The following RSF1 variants were observed in gnomAD, a reference collection of about 807,000 sequenced individuals.
RSF1 encodes the protein HBV pX-associated protein 8.
A neutral mutation model predicts 145.2 loss-of-function variants in RSF1; 13 were observed. That is an observed-to-expected ratio of 0.09 (90% confidence interval 0.06 to 0.14). The LOEUF (loss-of-function observed/expected upper bound fraction) is 0.14. RSF1 is among the 10% of genes least tolerant of loss of function. The pLI, the probability that RSF1 is intolerant of heterozygous loss-of-function variation, is 1.00. For synonymous variants in RSF1, 577 were observed against 592.6 expected (o/e 0.97, Z 0.38); for missense variants, 1,517 against 1,718.2 (o/e 0.88, Z 2.07).
At position 77,663,094 on chromosome 11, in the gene RSF1, A is replaced by C. The variant is rs1446864570; in HGVS notation, c.*3823T>G. 2 of 152,200 alleles carry C rather than the reference A, an allele frequency of 1.3e-5. No homozygotes were observed. Among genetic ancestry groups the C allele is most frequent in the Admixed American group, 1.3e-4 (2 of 15,280 alleles). The allele number at this position is 152,200 out of a possible 1,614,324, so 9.4% of individuals were successfully genotyped here. A position where few individuals can be genotyped will look rare whatever the true frequency, so the allele number is the denominator to read the frequency against. On this transcript the variant is annotated 3_prime_UTR_variant, in exon 16 of 16. Coordinates refer to ENST00000308488, the MANE Select transcript of RSF1 (RefSeq NM_016578.4). ...AATAGTTGTTCTATAGCTGTGAGGC[A>C]TCACCTTGAATAACGGGCCTGTTCC...
Position 77,666,864 on chromosome 11 carries a change from G to A in RSF1, c.*53C>T, listed in dbSNP as rs577979433. 2.4e-5 allele frequency: 34 copies of A among 1,389,044 alleles called. No individual in the cohort carries two copies. Among genetic ancestry groups the A allele is most frequent in the Middle Eastern group, 4.1e-4 (2 of 4,840 alleles). The allele number at this position is 1,389,044 out of a possible 1,614,324, so 86.0% of individuals were successfully genotyped here. The stretch of plus-strand genomic sequence containing the variant: ...TTAAACAGCTTTTAATAACTGGCCC[G>A]CTGGTGTGAGAGCTACCGTGGAATA... On this transcript the variant is annotated 3_prime_UTR_variant, in exon 16 of 16. Coordinates refer to ENST00000308488, the MANE Select transcript of RSF1 (RefSeq NM_016578.4).
intron 15 of RSF1, among the ~76,000 whole-genome samples, chr11:77,671,606 T>C (rs1183212890): frequency 2.6e-5 from 4 of 151,514 alleles, no homozygotes; most frequent in Non-Finnish European, 5.9e-5. Flanking sequence ...TTATAGGTTT[T>C]ATCTCAAAGA....
At chr11:77,756,250 A>G (rs687010) in intron 2 of RSF1, among the ~76,000 whole-genome samples, 3 of 150,900 alleles carry the variant, frequency 2.0e-5, no homozygotes. Flanking sequence ...CCCAGCTACT[A>G]GGGAGGCTGA....
intron 11 of RSF1, among the ~76,000 whole-genome samples, chr11:77,679,682 A>G (rs1028552388): frequency 7.2e-5 from 11 of 151,936 alleles, no homozygotes; most frequent in Non-Finnish European, 2.9e-5. Context: ...CAAAAAAAAA[A>G]AAAAGAAAAG....
At chr11:77,813,574 C>T in intron 1 of RSF1, 2 of 678,062 alleles carry the variant, frequency 2.9e-6, no homozygotes, top group Admixed American at 3.9e-5. Flanking sequence ...TCAGCACACA[C>T]CTTTTCCAGG....
At chr11:77,752,097 G>C (rs1948069212) in intron 2 of RSF1, among the ~76,000 whole-genome samples, 1 of 152,146 alleles carries the variant, frequency 6.6e-6, no homozygotes. Flanking sequence ...TATTTAGACA[G>C]ACAGCGAGGG....
intron 5 of RSF1, among the ~76,000 whole-genome samples, chr11:77,712,942 T>G (rs1268324334): frequency 6.6e-6 from 1 of 152,206 alleles, no homozygotes; most frequent in African/African-American, 2.4e-5. Flanking sequence ...CTTATTTTCC[T>G]GCATTACCAG....
At position 77,820,685 on chromosome 11, in the gene RSF1, C is replaced by T. The variant is rs1260822450; in HGVS notation, c.30G>A (p.Val10=). MATAAAAAA[V]MAPPGCPGSC... is the part of the protein sequence containing the mutation. ...AACCCGGGCAGCCCGGAGGAGCCATCACCGCCGCCGCTGCCGCCGCCGTCG... is the reference window on the plus strand; with the variant it reads ...AACCCGGGCAGCCCGGAGGAGCCATTACCGCCGCCGCTGCCGCCGCCGTCG... Residue 10 remains valine, a synonymous_variant, in exon 1 of 16, where the codon GTG becomes GTA. Transcript: ENST00000308488. 2.4e-5 allele frequency: 38 copies of T among 1,552,764 alleles called. No individual in the cohort carries two copies. The highest frequency in any genetic ancestry group is 3.3e-5 in the Non-Finnish European group (38 of 1,149,600).
intron 2 of RSF1, among the ~76,000 whole-genome samples, chr11:77,754,073 C>T (rs1948091476): frequency 6.6e-6 from 1 of 152,182 alleles, no homozygotes; most frequent in Non-Finnish European, 1.5e-5. Flanking sequence ...ATGATTCTAT[C>T]TTGGTAAAAC....
chr11:77,778,468 T>A (rs1031140519), intron 1 of RSF1, among the ~76,000 whole-genome samples: 13 of 152,120 alleles, frequency 8.5e-5, no homozygotes, highest in Non-Finnish European at 1.3e-4. Flanking sequence ...ATCAAACATG[T>A]GGAAACTTTT....
At chr11:77,748,773 A>C (rs1006676461) in intron 2 of RSF1, among the ~76,000 whole-genome samples, 1 of 152,208 alleles carries the variant, frequency 6.6e-6, no homozygotes, top group Non-Finnish European at 1.5e-5. Flanking sequence ...TAAAATGTTA[A>C]TATTTAGCTA....
At chr11:77,732,911 T>A (rs992729078) in intron 4 of RSF1, among the ~76,000 whole-genome samples, 1 of 152,256 alleles carries the variant, frequency 6.6e-6, no homozygotes, top group Non-Finnish European at 1.5e-5. Context: ...AATCAAACAG[T>A]ATGTGCTTCT....
rs1441888201 is a variant in RSF1, at chr11:77,665,451, T to C, written c.*1466A>G. ...CACAAGTGCTACACTCTGTACAATG[T>C]TATGGCTCTGCCTGAAATTTTACAG... On this transcript the variant is annotated 3_prime_UTR_variant, in exon 16 of 16. Coordinates refer to ENST00000308488, the MANE Select transcript of RSF1 (RefSeq NM_016578.4). 4 of 152,206 alleles carry C rather than the reference T, an allele frequency of 2.6e-5. No homozygotes were observed. The highest frequency in any genetic ancestry group is 5.9e-5 in the Non-Finnish European group (4 of 68,034). 9.4% of individuals were successfully genotyped at this position (152,206 alleles called of 1,614,324 possible). A position where few individuals can be genotyped will look rare whatever the true frequency, so the allele number is the denominator to read the frequency against.
intron 6 of RSF1, among the ~76,000 whole-genome samples, chr11:77,699,935 T>C (rs922420961): frequency 2.6e-5 from 4 of 152,282 alleles, no homozygotes; most frequent in South Asian, 2.1e-4. Context: ...AGGGATACTA[T>C]ATCTACGGAC....
intron 1 of RSF1, among the ~76,000 whole-genome samples, chr11:77,818,154 T>A: frequency 6.6e-6 from 1 of 152,170 alleles, no homozygotes; most frequent in Admixed American, 6.5e-5. Flanking sequence ...TTAGCCCAGG[T>A]TACCTGTCAT....
Position 77,675,189 on chromosome 11 carries a change from C to G in RSF1, c.3409G>C (p.Asp1137His), listed in dbSNP as rs761951417. The change falls in exon 14 of 16, where the codon GAT becomes CAT. Residue 1137 changes from aspartate (D) to histidine (H), a missense_variant. Physicochemically the swap from Asp to His is moderately conservative, Grantham distance 81. Coordinates refer to ENST00000308488, the MANE Select transcript of RSF1 (RefSeq NM_016578.4). The part of the protein sequence containing the change: ...DESEEDPPSN[D>H]DSDTDFCSRR... ...CTACAAAAGTCAGTGTCACTGTCATCATTAGATGGCGGATCTTCTTCACTT... is the reference window on the plus strand; with the variant it reads ...CTACAAAAGTCAGTGTCACTGTCATGATTAGATGGCGGATCTTCTTCACTT... 2.5e-6 allele frequency: 4 copies of G among 1,614,142 alleles called. No individual in the cohort carries two copies. In the Admixed American group the frequency reaches 6.7e-5, roughly 27 times the overall value.
At chr11:77,840,146 G>A in the RSF1 span, among the ~76,000 whole-genome samples, 1 of 151,914 alleles carries the variant, frequency 6.6e-6, no homozygotes, top group African/African-American at 2.4e-5. Flanking sequence ...AATGATTAAT[G>A]CACAATATAC....
intron 4 of RSF1, chr11:77,735,071 G>A (rs1961311593): frequency 8.8e-7 from 1 of 1,141,706 alleles, no homozygotes; most frequent in Admixed American, 1.8e-5. Context: ...TGGCTGCGTG[G>A]CGCTGGGGCG....
At chr11:77,786,364 C>G (rs542085588) in intron 1 of RSF1, among the ~76,000 whole-genome samples, 1 of 152,098 alleles carries the variant, frequency 6.6e-6, no homozygotes, top group South Asian at 2.1e-4. Flanking sequence ...AAAAAATTAC[C>G]CAATTTTGGT....
Sources: allele counts gnomAD v4.1 joint callset (sites outside exome capture counted in the v4.1 genomes callset), GRCh38; gene constraint gnomAD v4.1.1; transcripts MANE v1.5; gene names NCBI Gene and HGNC (gene_info 2026-07-23, HGNC 2026-07-21).